Variants in UBAC2 observed in about 807,000 individuals in gnomAD.
UBAC2 encodes the protein UBA domain containing 2.
UBAC2 carries 26 observed loss-of-function variants against 44.0 expected under a neutral mutation model. The observed-to-expected ratio is 0.59, with a 90% confidence interval of 0.43 to 0.82. The LOEUF (loss-of-function observed/expected upper bound fraction) is 0.82. Among genes scored for constraint, UBAC2 ranks in the 40% least tolerant of loss-of-function variants. UBAC2 has a pLI of 0.00. For synonymous variants in UBAC2, 155 were observed against 154.3 expected, an observed-to-expected ratio of 1.00 and a Z score of -0.04; for missense variants, 329 against 419.4, an observed-to-expected ratio of 0.78 and a Z score of 1.88.
At chr13:99,359,124 C>G (rs146959257) in intron 7 of UBAC2, among the ~76,000 whole-genome samples, 1 of 152,228 alleles carries the variant, frequency 6.6e-6, no homozygotes, top group Non-Finnish European at 1.5e-5. Context: ...AGCTAGAGGG[C>G]TAGAAAGAAA....
chr13:99,365,971 T>A (rs9300540), intron 7 of UBAC2, among the ~76,000 whole-genome samples: 36,987 of 152,102 alleles, frequency 0.24, 5,033 homozygotes, highest in South Asian at 0.36. Flanking sequence ...TAATACTGCC[T>A]TTTTTTGCCT....
chr13:99,285,515 C>T (rs2044007744), intron 4 of UBAC2, among the ~76,000 whole-genome samples: 2 of 152,046 alleles, frequency 1.3e-5, no homozygotes, highest in Non-Finnish European at 2.9e-5. Context: ...GCCTTAGCCT[C>T]CTGAGTAGCT....
intron 4 of UBAC2, chr13:99,313,047 T>C (rs899144664): frequency 6.6e-6 from 1 of 152,336 alleles, no homozygotes; most frequent in Non-Finnish European, 1.5e-5. Flanking sequence ...AGTGGCGCGA[T>C]CTTGGCTCAC....
chr13:99,304,427 T>C (rs2044301216), intron 4 of UBAC2, among the ~76,000 whole-genome samples: 1 of 152,176 alleles, frequency 6.6e-6, no homozygotes, highest in Admixed American at 6.5e-5. Flanking sequence ...TTGATTTTCT[T>C]CCCTGTCTCC....
rs1160608029 is a variant in UBAC2, at chr13:99,360,879, G to A, written c.808-6908G>A. On this transcript the variant is annotated intron_variant, in intron 7 of 8. Transcript: ENST00000403766. The stretch of plus-strand genomic sequence containing the variant: ...GTATCTTGCCTTCCCCCGAGGAGAT[G>A]GGGCGCTCTTCGGGAGCAAGGATGA... Among the ~76,000 whole-genome samples, 4 of 152,232 alleles carry A rather than the reference G, an allele frequency of 2.6e-5. 1 individual carries two copies. The East Asian group carries it at 7.7e-4, about 29-fold the overall frequency.
intron 4 of UBAC2, among the ~76,000 whole-genome samples, chr13:99,257,382 T>A (rs1234155112): frequency 1.3e-5 from 2 of 152,198 alleles, no homozygotes; most frequent in African/African-American, 4.8e-5. Flanking sequence ...TTGTATTTGT[T>A]TTTCTTTTTT....
At chr13:99,306,729 C>T (rs1190631135) in intron 4 of UBAC2, among the ~76,000 whole-genome samples, 1 of 152,098 alleles carries the variant, frequency 6.6e-6, no homozygotes, top group Non-Finnish European at 1.5e-5. Context: ...CAAGTATAAA[C>T]CACACAACAG....
In UBAC2 at chr13:99,327,933, G is replaced by A. The variant is rs1463144481; in HGVS notation, c.561+9864G>A. 3.3e-5 allele frequency among the ~76,000 whole-genome samples: 5 copies of A among 152,068 alleles called. No homozygotes were observed. The South Asian group carries it at 8.3e-4, about 25-fold the overall frequency. On this transcript the variant is annotated intron_variant, in intron 6 of 8. Transcript: ENST00000403766. Reference sequence around the variant, plus strand: ...AACTTTGGTAGTTATATACAGTCATGTACTCACCACCATAATCAATATGGA... The same window carrying A: ...AACTTTGGTAGTTATATACAGTCATATACTCACCACCATAATCAATATGGA...
intron 4 of UBAC2, among the ~76,000 whole-genome samples, chr13:99,301,840 G>A (rs558815186): frequency 1.8e-4 from 28 of 152,258 alleles, no homozygotes; most frequent in African/African-American, 5.5e-4. Flanking sequence ...TACCATATTC[G>A]GGGATTTAGT....
rs1349989668 is a variant in UBAC2 at position 99,321,988 on chromosome 13, T to G, written c.561+3919T>G. On this transcript the variant is annotated intron_variant, in intron 6 of 8. Coordinates refer to ENST00000403766, the MANE Select transcript of UBAC2 (RefSeq NM_001144072.2). ...CACATGTATCATTGATAAATGTTTT[T>G]GTGTTACCTTTTTCCTCATTTGACA... 2.6e-5 allele frequency among the ~76,000 whole-genome samples: 4 copies of G among 152,386 alleles called. No homozygotes were observed. In the East Asian group the frequency reaches 7.7e-4, roughly 29 times the overall value.
chr13:99,244,581 T>C lies in UBAC2; in HGVS notation c.346T>C (p.Tyr116His). 1 of 1,613,388 alleles carries C rather than the reference T, an allele frequency of 6.2e-7. No homozygotes were observed. The highest frequency in any genetic ancestry group is 8.5e-7 in the Non-Finnish European group (1 of 1,179,508). The change falls in exon 4 of 9, where the codon TAT becomes CAT. Residue 116 changes from tyrosine to histidine, a missense_variant. Coordinates refer to ENST00000403766, the MANE Select transcript of UBAC2 (RefSeq NM_001144072.2). ...FDFLLIEAMQ[Y>H]FFGITAASNL... The stretch of plus-strand genomic sequence containing the variant: ...CTTTCTCCTCATTGAAGCTATGCAG[T>C]ATTTCTTTGGCATCACTGCAGCTAG...
At chr13:99,356,539 C>T (rs1209711495) in intron 7 of UBAC2, among the ~76,000 whole-genome samples, 1 of 152,246 alleles carries the variant, frequency 6.6e-6, no homozygotes, top group Admixed American at 6.5e-5. Flanking sequence ...ACACTGGTCA[C>T]TGTGAGAAAC....
At chr13:99,303,235 GGTTTAGCAGTCTACT>G (rs772557298) in intron 4 of UBAC2, among the ~76,000 whole-genome samples, 11 of 152,218 alleles carry the variant, frequency 7.2e-5, no homozygotes, top group Non-Finnish European at 1.3e-4. Flanking sequence ...ACTGAAAAAG[GGTTTAGCAGTCTACT>G]GTTTCCTCTT....
At chr13:99,236,315 T>G (rs1288929774) in intron 1 of UBAC2, among the ~76,000 whole-genome samples, 1 of 152,224 alleles carries the variant, frequency 6.6e-6, no homozygotes, top group Admixed American at 6.5e-5. Context: ...TTAATCCATC[T>G]GACAAGGGAT....
chr13:99,262,921 A>G (rs2043688938), intron 4 of UBAC2, among the ~76,000 whole-genome samples: 1 of 152,074 alleles, frequency 6.6e-6, no homozygotes, highest in Admixed American at 6.6e-5. Flanking sequence ...TTTTTATTAT[A>G]TCTGCCATTA....
intron 6 of UBAC2, among the ~76,000 whole-genome samples, chr13:99,329,980 C>T (rs1274520446): frequency 1.3e-5 from 2 of 152,344 alleles, no homozygotes; most frequent in East Asian, 1.9e-4. Flanking sequence ...AATGCACGAA[C>T]GTGATAAGTC....
intron 6 of UBAC2, among the ~76,000 whole-genome samples, chr13:99,322,886 G>A (rs1003312027): frequency 6.6e-6 from 1 of 152,184 alleles, no homozygotes; most frequent in Non-Finnish European, 1.5e-5. Flanking sequence ...TCAAGACAGC[G>A]CATTTGCGGG....
chr13:99,379,170 C>CT (rs574595311), intron 8 of UBAC2, among the ~76,000 whole-genome samples: 2 of 152,254 alleles, frequency 1.3e-5, no homozygotes, highest in Non-Finnish European at 2.9e-5. Context: ...AGGACACAAA[C>CT]TTTTGCCTGT....
At chr13:99,273,314 CAG>C (rs1186456743) in intron 4 of UBAC2, among the ~76,000 whole-genome samples, 1 of 152,098 alleles carries the variant, frequency 6.6e-6, no homozygotes, top group Non-Finnish European at 1.5e-5. Context: ...ACCACTTTGG[CAG>C]AGTCAGATTA....
Sources: allele counts gnomAD v4.1 joint callset (sites outside exome capture counted in the v4.1 genomes callset), GRCh38; gene constraint gnomAD v4.1.1; transcripts MANE v1.5; gene names NCBI Gene and HGNC (gene_info 2026-07-23, HGNC 2026-07-21).